ADAM29: variants seen among roughly 807,000 people sequenced by gnomAD.
ADAM29 encodes disintegrin and metalloproteinase domain-containing protein 29.
For missense variants in ADAM29, 969 were observed against 1,001.8 expected (o/e 0.97, Z 0.44); for synonymous variants, 367 against 342.3 (o/e 1.07, Z -0.80).
chr4:174,958,415 C>T (rs187594043), intron 4 of ADAM29, among the ~76,000 whole-genome samples: 122 of 151,838 alleles, frequency 8.0e-4, no homozygotes, highest in Non-Finnish European at 8.0e-4. Context: ...CCCTTCTTAT[C>T]CCTGACAATT....
At chr4:174,965,500 T>TATC (rs1376545484) in intron 4 of ADAM29, among the ~76,000 whole-genome samples, 1 of 151,574 alleles carries the variant, frequency 6.6e-6, no homozygotes, top group Non-Finnish European at 1.5e-5. Context: ...TCTATCTATC[T>TATC]ATCTATCTAT....
At chr4:174,953,925 C>A (rs1196727944) in intron 4 of ADAM29, among the ~76,000 whole-genome samples, 1 of 152,008 alleles carries the variant, frequency 6.6e-6, no homozygotes, top group Non-Finnish European at 1.5e-5. Flanking sequence ...GTTTTCAGGC[C>A]AGACTTGAAC....
At chr4:174,928,189 T>C (rs1259637277) in intron 2 of ADAM29, among the ~76,000 whole-genome samples, 2 of 152,012 alleles carry the variant, frequency 1.3e-5, no homozygotes, top group Non-Finnish European at 2.9e-5. Context: ...GGCAAGCTGA[T>C]TTATTATCAG....
At chr4:174,942,637 A>G (rs976600252) in intron 4 of ADAM29, among the ~76,000 whole-genome samples, 1 of 152,136 alleles carries the variant, frequency 6.6e-6, no homozygotes, top group Non-Finnish European at 1.5e-5. Context: ...AGTCTGGCCC[A>G]CAAAACCATT....
intron 4 of ADAM29, among the ~76,000 whole-genome samples, chr4:174,968,635 A>G (rs1746285041): frequency 6.6e-6 from 1 of 152,196 alleles, no homozygotes; most frequent in Non-Finnish European, 1.5e-5. Context: ...TCTGCAGCAC[A>G]TTCTGACTAT....
chr4:174,958,397 T>C (rs1240726372), intron 4 of ADAM29, among the ~76,000 whole-genome samples: 1 of 151,832 alleles, frequency 6.6e-6, no homozygotes, highest in East Asian at 1.9e-4. Context: ...TTTATCATTA[T>C]GTAGTTACCC....
chr4:174,976,323 G>T lies in ADAM29; in HGVS notation c.798G>T (p.Val266=). Residue 266 remains valine (V), a synonymous_variant, in exon 5 of 5, where the codon GTG becomes GTT. Transcript: ENST00000359240. ...TAGTAGATGATGTAAGGAAATCTGT[G>T]CACCTGTATTGCAAGTGGAAGTCGG... ...LIVVDDVRKS[V]HLYCKWKSEN... 1.9e-6 allele frequency: 3 copies of T among 1,612,108 alleles called. No individual in the cohort carries two copies. The highest frequency in any genetic ancestry group is 2.7e-5 in the African/African-American group (2 of 74,930).
intron 4 of ADAM29, among the ~76,000 whole-genome samples, chr4:174,971,653 A>G (rs1452161091): frequency 5.3e-5 from 8 of 152,232 alleles, no homozygotes; most frequent in Non-Finnish European, 1.0e-4. Flanking sequence ...ACTTTTTACA[A>G]TGTGATTACA....
chr4:174,966,962 T>C (rs1040128902), intron 4 of ADAM29, among the ~76,000 whole-genome samples: 8 of 152,214 alleles, frequency 5.3e-5, no homozygotes, highest in Non-Finnish European at 1.2e-4. Flanking sequence ...TAATCCTGTG[T>C]GTACGTTTTC....
rs756953229 is a variant in ADAM29 at position 174,932,290 on chromosome 4, A to T, written c.-262+1116A>T. On this transcript the variant is annotated intron_variant, in intron 3 of 4. Transcript: ENST00000359240. ...TGACAAGAATGAAACTCTGTCTCAA[A>T]AAAGAAGAAAAAAAAAGGAATGACA... Among the ~76,000 whole-genome samples the T allele has an allele frequency of 4.1e-4, 60 of 146,648 alleles. 1 individual carries two copies. The highest frequency in any genetic ancestry group is 6.2e-4 in the Non-Finnish European group (42 of 67,600).
rs778385230 is a variant in ADAM29 at position 174,977,650 on chromosome 4, G to C, written c.2125G>C (p.Asp709His). The change falls in exon 5 of 5, where the codon GAT (aspartate) becomes CAT (histidine). Residue 709 changes from aspartate to histidine, a missense_variant. Asp to His is a moderately conservative substitution (Grantham distance 81). Coordinates refer to ENST00000359240, the MANE Select transcript of ADAM29 (RefSeq NM_014269.4). ...KKSKPIKKQQ[D>H]VQTPSAKEEE... ...AAGTAAACCAATAAAAAAGCAGCAA[G>C]ATGTTCAAACTCCATCTGCAAAAGA... 6 of 1,614,076 alleles carry C rather than the reference G, an allele frequency of 3.7e-6. No individual in the cohort carries two copies. In the African/African-American group the frequency reaches 6.7e-5, roughly 18 times the overall value.
chr4:174,969,388 A>G (rs1011504292), intron 4 of ADAM29, among the ~76,000 whole-genome samples: 1 of 151,916 alleles, frequency 6.6e-6, no homozygotes. Flanking sequence ...ATGAATTAAA[A>G]TTGAACCTAT....
chr4:174,934,462 A>G (rs1744089436), intron 3 of ADAM29, among the ~76,000 whole-genome samples: 1 of 151,798 alleles, frequency 6.6e-6, no homozygotes, highest in African/African-American at 2.4e-5. Flanking sequence ...TTTTATTTCT[A>G]TTTTTTAATG....
At chr4:174,937,096 G>A (rs912772637) in intron 4 of ADAM29, 83 bp downstream of exon 4, 4 of 151,906 alleles carry the variant, frequency 2.6e-5, no homozygotes, top group African/African-American at 9.7e-5. Context: ...TTAAATAGAT[G>A]CCGTGCTATA....
intron 4 of ADAM29, among the ~76,000 whole-genome samples, chr4:174,962,850 T>C (rs1459166133): frequency 1.3e-5 from 2 of 152,194 alleles, no homozygotes; most frequent in Non-Finnish European, 2.9e-5. Context: ...TTTCCTAGTA[T>C]AGTGAAGAGC....
intron 4 of ADAM29, among the ~76,000 whole-genome samples, chr4:174,965,520 T>TATCTATC (rs780352831): frequency 7.8e-5 from 11 of 140,522 alleles, no homozygotes; most frequent in Non-Finnish European, 1.4e-4. Flanking sequence ...TCTATCTATC[T>TATCTATC]ATCATCTATC....
At chr4:174,961,030 C>T (rs141065112) in intron 4 of ADAM29, among the ~76,000 whole-genome samples, 1,873 of 152,238 alleles carry the variant, frequency 0.012, 15 homozygotes, top group Non-Finnish European at 0.018. Flanking sequence ...TGCCTTCTTG[C>T]TCCTCCCTTA....
rs1208551998 is a variant in ADAM29, at chr4:174,936,944, T to C, written c.-250T>C. ...TCCTCTTATTCCAGAGAATGTGACTTTCCTGAACAACAGGAGCAAGAATCA... is the reference window on the plus strand; with the variant it reads ...TCCTCTTATTCCAGAGAATGTGACTCTCCTGAACAACAGGAGCAAGAATCA... On this transcript the variant is annotated 5_prime_UTR_variant, in exon 4 of 5. Transcript: ENST00000359240. 1 of 152,006 alleles carries C rather than the reference T, an allele frequency of 6.6e-6. No homozygotes were observed. Among genetic ancestry groups the C allele is most frequent in the Non-Finnish European group, 1.5e-5 (1 of 67,882 alleles). The allele number at this position is 152,006 out of a possible 1,614,324, so 9.4% of individuals were successfully genotyped here.
rs1191493845 is a variant in ADAM29, at chr4:174,975,756, C to A, written c.231C>A (p.His77Gln). Residue 77 changes from histidine (H) to glutamine (Q), a missense_variant, in exon 5 of 5, where the codon CAC becomes CAA. Transcript: ENST00000359240. ...IKVKKLLFSKHLPVFTYTDQG... is the reference protein window; with the variant it reads ...IKVKKLLFSKQLPVFTYTDQG... ...TCAAGAAGCTTTTGTTTTCCAAACA[C>A]CTCCCTGTGTTCACCTACACAGACC... 6.2e-7 allele frequency: 1 copy of A among 1,613,620 alleles called. No individual in the cohort carries two copies. The highest frequency in any genetic ancestry group is 2.2e-5 in the East Asian group (1 of 44,874).
Sources: gnomAD v4.1 joint callset for allele counts (sites outside exome capture counted in the v4.1 genomes callset) on GRCh38, gnomAD v4.1.1 for gene constraint, MANE v1.5 for transcripts, NCBI Gene and HGNC (gene_info 2026-07-23, HGNC 2026-07-21) for gene names.